UBR1: variants seen among roughly 807,000 people sequenced by gnomAD.
UBR1 encodes E3 ubiquitin-protein ligase UBR1.
Under a neutral mutation model 242.1 loss-of-function variants are expected in UBR1, and 102 were observed. The observed-to-expected ratio is 0.42, with a 90% CI of 0.36 to 0.50. The LOEUF is 0.50. Ranked by LOEUF, UBR1 falls within the 20% of genes least tolerant of loss-of-function variation. The pLI is 0.01. For synonymous variants in UBR1, 675 were observed against 684.8 expected (o/e 0.99, Z 0.22); for missense variants, 1,772 against 2,101.8 (o/e 0.84, Z 3.07).
intron 21 of UBR1, among the ~76,000 whole-genome samples, chr15:43,029,125 G>GCACGCACACACACACACACACACACACA (rs2033218990): frequency 6.6e-6 from 1 of 150,956 alleles, no homozygotes; most frequent in African/African-American, 2.4e-5. Context: ...ACACACACAC[G>GCACGCACACACACACACACACACACACA]CACACACACA....
intron 28 of UBR1, among the ~76,000 whole-genome samples, chr15:43,016,675 C>T (rs1006980361): frequency 1.3e-5 from 2 of 152,158 alleles, no homozygotes; most frequent in Non-Finnish European, 2.9e-5. Flanking sequence ...CTCCTGGGTT[C>T]AAGTGATTTT....
intron 3 of UBR1, among the ~76,000 whole-genome samples, chr15:43,077,356 A>C (rs2033919225): frequency 6.6e-6 from 1 of 151,984 alleles, no homozygotes; most frequent in Non-Finnish European, 1.5e-5. Flanking sequence ...CCTTATCCCC[A>C]ACCTTGTGCT....
chr15:42,970,979 T>G (rs2032196654), intron 39 of UBR1, among the ~76,000 whole-genome samples: 1 of 152,082 alleles, frequency 6.6e-6, no homozygotes, highest in African/African-American at 2.4e-5. Flanking sequence ...CCTTCCAAAG[T>G]GCTGGAATTA....
chr15:43,071,060 T>C (rs993709953), intron 4 of UBR1, 135 bp from the exon 5 acceptor site: 2 of 1,225,450 alleles, frequency 1.6e-6, no homozygotes, highest in African/African-American at 3.0e-5. Context: ...CAAGTTGAGC[T>C]CAAGAGGGTT....
intron 33 of UBR1, among the ~76,000 whole-genome samples, chr15:42,992,759 T>C (rs1470413884): frequency 1.3e-5 from 2 of 152,216 alleles, no homozygotes; most frequent in Non-Finnish European, 2.9e-5. Context: ...CAAAGGGCCC[T>C]TTTCCCCAGT....
At chr15:43,072,710 T>C (rs1484865715) in intron 4 of UBR1, among the ~76,000 whole-genome samples, 9 of 152,228 alleles carry the variant, frequency 5.9e-5, no homozygotes, top group Non-Finnish European at 1.2e-4. Context: ...TCTAAGTTTG[T>C]TGAAATATTT....
At chr15:43,095,180 T>C (rs2034144537) in intron 1 of UBR1, among the ~76,000 whole-genome samples, 1 of 152,168 alleles carries the variant, frequency 6.6e-6, no homozygotes, top group African/African-American at 2.4e-5. Flanking sequence ...TTTAAAAAAT[T>C]GATAAATTAA....
intron 20 of UBR1, among the ~76,000 whole-genome samples, chr15:43,032,133 A>G (rs55960973): frequency 3.9e-5 from 6 of 152,326 alleles, no homozygotes; most frequent in African/African-American, 1.4e-4. Context: ...TTTGTATTCA[A>G]TAGGTTAGAA....
At chr15:42,994,111 T>G (rs1166815645) in intron 33 of UBR1, among the ~76,000 whole-genome samples, 1 of 152,332 alleles carries the variant, frequency 6.6e-6, no homozygotes, top group South Asian at 2.1e-4. Flanking sequence ...TTAAAATTCC[T>G]AATTTGTTAG....
chr15:42,983,057 T>C (rs759351768), intron 37 of UBR1, among the ~76,000 whole-genome samples: 7 of 152,166 alleles, frequency 4.6e-5, no homozygotes, highest in African/African-American at 1.4e-4. Flanking sequence ...GAGATCACCA[T>C]ATGAACTCTT....
At chr15:42,949,196 A>G (rs1283184218) in intron 46 of UBR1, among the ~76,000 whole-genome samples, 6 of 147,306 alleles carry the variant, frequency 4.1e-5, no homozygotes, top group Admixed American at 1.4e-4. Flanking sequence ...ACCAAACACC[A>G]TATGTTCTCA....
At position 43,025,391 on chromosome 15, in the gene UBR1, G is replaced by C; in HGVS notation, c.2574C>G (p.Asn858Lys). ...AATCTCACTTTTTACCTTCATCTTT[G>C]TTTTCTTGTTTTCTCCTTTTCTTCT... The part of the protein sequence containing the change: ...HMQKKRRKQE[N>K]KDEALPPPPP... The change falls in exon 24 of 47, where the codon AAC becomes AAG. Residue 858 changes from asparagine to lysine, a missense_variant. Physicochemically the swap from Asn to Lys is moderately conservative, Grantham distance 94. Transcript: ENST00000290650. The C allele has an allele frequency of 2.5e-6, 4 of 1,608,310 alleles. No homozygotes were observed. The highest frequency in any genetic ancestry group is 3.4e-6 in the Non-Finnish European group (4 of 1,177,052).
In UBR1 at chr15:43,059,822, G is replaced by T; in HGVS notation, c.865C>A (p.His289Asn). ...GGATGTTGAGAGACATTTTCTGAAT[G>T]ACTCTACAAATGAAGGGAACGAACC... ...CQEAKEDIKS[H>N]SENVSQHPLH... is the part of the protein sequence containing the mutation. The change falls in exon 8 of 47, where the codon CAT becomes AAT. Residue 289 changes from histidine (H) to asparagine (N), a missense_variant. His to Asn is a moderately conservative substitution (Grantham distance 68). Around this residue, in one of 3 missense-constraint regions of UBR1, gnomAD observed 734 missense variants for 893.3 expected, o/e 0.82. Coordinates refer to ENST00000290650, the MANE Select transcript of UBR1 (RefSeq NM_174916.3). 6.2e-7 allele frequency: 1 copy of T among 1,613,928 alleles called. No homozygotes were observed. Among genetic ancestry groups the T allele is most frequent in the South Asian group, 1.1e-5 (1 of 91,054 alleles).
At chr15:42,965,216 G>A (rs971631332) in intron 41 of UBR1, among the ~76,000 whole-genome samples, 2 of 152,082 alleles carry the variant, frequency 1.3e-5, no homozygotes, top group South Asian at 2.1e-4. Flanking sequence ...AGCCAGTAAC[G>A]GTAACCTGGT....
At chr15:42,947,629 A>G (rs1433780817) in intron 46 of UBR1, among the ~76,000 whole-genome samples, 1 of 152,196 alleles carries the variant, frequency 6.6e-6, no homozygotes, top group Non-Finnish European at 1.5e-5. Context: ...CAGCATTCTT[A>G]TACACCAATA....
chr15:43,066,806 T>C (rs1229444376), intron 6 of UBR1, among the ~76,000 whole-genome samples: 1 of 152,230 alleles, frequency 6.6e-6, no homozygotes, highest in Non-Finnish European at 1.5e-5. Flanking sequence ...AGTTTTTTTG[T>C]AGAGACAGAG....
In UBR1 at chr15:43,031,760, C is replaced by T. The variant is rs1052268872; in HGVS notation, c.2254+808G>A. 2.6e-5 allele frequency among the ~76,000 whole-genome samples: 4 copies of T among 152,194 alleles called. No homozygotes were observed. The South Asian group carries it at 8.3e-4, about 32-fold the overall frequency. Reference sequence around the variant, plus strand: ...GATGACAGCCGGGCGCGGTGGCTCACGCCTGTAATCCCAGCACTTTGGGAG... The same window carrying T: ...GATGACAGCCGGGCGCGGTGGCTCATGCCTGTAATCCCAGCACTTTGGGAG... On this transcript the variant is annotated intron_variant, in intron 20 of 46. Coordinates refer to ENST00000290650, the MANE Select transcript of UBR1 (RefSeq NM_174916.3).
At chr15:43,006,837 C>A (rs748165166) in intron 30 of UBR1, among the ~76,000 whole-genome samples, 1 of 151,720 alleles carries the variant, frequency 6.6e-6, no homozygotes. Flanking sequence ...CAAAGCAACA[C>A]GTGTTTGTTT....
At chr15:43,092,832 G>A (rs2034119396) in intron 1 of UBR1, among the ~76,000 whole-genome samples, 1 of 152,138 alleles carries the variant, frequency 6.6e-6, no homozygotes, top group Non-Finnish European at 1.5e-5. Context: ...GATTACAGGC[G>A]TGAGCCACCG....
Sources: gnomAD v4.1 joint callset for allele counts (sites outside exome capture counted in the v4.1 genomes callset) on GRCh38, gnomAD v4.1.1 for gene constraint, gnomAD v4.1.1 regional missense constraint, MANE v1.5 for transcripts, NCBI Gene and HGNC (gene_info 2026-07-23, HGNC 2026-07-21) for gene names.